IFIT1: variants seen among roughly 807,000 people sequenced by gnomAD.
The protein encoded by IFIT1 is antiviral innate immune response effector IFIT1.
IFIT1 carries 1 observed loss-of-function variant against 2.5 expected under a neutral mutation model. The observed-to-expected ratio is 0.40, with a 90% confidence interval of 0.14 to 1.92. The LOEUF is 1.92. Ranked by LOEUF, IFIT1 falls within the 40% of genes most tolerant of loss-of-function variation. The pLI is 0.31. For missense variants in IFIT1, 508 were observed against 557.8 expected (o/e 0.91, Z 0.90); for synonymous variants, 191 against 201.7 (o/e 0.95, Z 0.45).
Position 89,403,474 on chromosome 10 carries a change from T to G in IFIT1, c.1199T>G (p.Ile400Ser). 1 of 1,612,866 alleles carries G rather than the reference T, an allele frequency of 6.2e-7. No individual in the cohort carries two copies. The highest frequency in any genetic ancestry group is 8.5e-7 in the Non-Finnish European group (1 of 1,179,404). The change falls in exon 2 of 2, where the codon ATC becomes AGC. Residue 400 changes from isoleucine to serine, a missense_variant. Ile to Ser is a moderately radical substitution (Grantham distance 142). Transcript: ENST00000371804. ...AAGAAATCTGACGTCAATGCAATTA[T>G]CCATTATTTAAAAGCTATAAAAATA... ...FQKKSDVNAI[I>S]HYLKAIKIEQ...
At position 89,402,743 on chromosome 10, in the gene IFIT1, T is replaced by C. The variant is rs758182722; in HGVS notation, c.468T>C (p.Asn156=). ...CCTTGCTGAAGTGTGGAGGAAAAAATTATGAACGGGCCAAGGCCTGCTTTG... is the reference window on the plus strand; with the variant it reads ...CCTTGCTGAAGTGTGGAGGAAAAAACTATGAACGGGCCAAGGCCTGCTTTG... The part of the protein sequence containing the change: ...GWALLKCGGK[N]YERAKACFEK... The change falls in exon 2 of 2, where the codon AAT becomes AAC. Residue 156 remains asparagine (N), a synonymous_variant. Transcript: ENST00000371804. 1.9e-6 allele frequency: 3 copies of C among 1,614,168 alleles called. No homozygotes were observed. Among genetic ancestry groups the C allele is most frequent in the African/African-American group, 1.3e-5 (1 of 75,032 alleles).
At position 89,403,238 on chromosome 10, in the gene IFIT1, G is replaced by A; in HGVS notation, c.963G>A (p.Met321Ile). Residue 321 changes from methionine to isoleucine, a missense_variant, in exon 2 of 2, where the codon ATG becomes ATA. Physicochemically the swap from Met to Ile is conservative, Grantham distance 10. Coordinates refer to ENST00000371804, the MANE Select transcript of IFIT1 (RefSeq NM_001548.5). ...AGAACAGAGAAAAGCTAGACAAAAT[G>A]ATAAGATCAGCCATATTTCATTTTG... ...RGQNREKLDK[M>I]IRSAIFHFES... is the part of the protein sequence containing the mutation. The A allele has an allele frequency of 8.7e-6, 14 of 1,614,128 alleles. No homozygotes were observed. The highest frequency in any genetic ancestry group is 1.2e-5 in the Non-Finnish European group (14 of 1,180,026).
In IFIT1 at chr10:89,397,233, A is replaced by G. The variant is rs1360762723; in HGVS notation, c.5+4516A>G. On this transcript the variant is annotated intron_variant, in intron 1 of 1. Coordinates refer to ENST00000371804, the MANE Select transcript of IFIT1 (RefSeq NM_001548.5). Reference sequence around the variant, plus strand: ...ACAGTGTTGGTAATGAATATTCTTGAGTATACATCCTTATGTACTGGTTAT... The same window carrying G: ...ACAGTGTTGGTAATGAATATTCTTGGGTATACATCCTTATGTACTGGTTAT... 2.6e-5 allele frequency among the ~76,000 whole-genome samples: 4 copies of G among 151,954 alleles called. No homozygotes were observed. In the East Asian group the frequency reaches 7.7e-4, roughly 29 times the overall value.
intron 1 of IFIT1, chr10:89,393,230 A>G: frequency 3.9e-6 from 5 of 1,289,778 alleles, no homozygotes; most frequent in Non-Finnish European, 5.1e-6. Context: ...GCCTTCCTCC[A>G]TAGGCTTCTG....
Position 89,393,716 on chromosome 10 carries a change from C to T in IFIT1, c.5+999C>T, listed in dbSNP as rs982407551. Among the ~76,000 whole-genome samples, 5 of 152,078 alleles carry T rather than the reference C, an allele frequency of 3.3e-5. No individual in the cohort carries two copies. In the South Asian group the frequency reaches 8.3e-4, roughly 25 times the overall value. ...CTGCACTCCAGCCTGGGCAACAGAG[C>T]GAGACTCCGTCTCAAAAACAAACAA... On this transcript the variant is annotated intron_variant, in intron 1 of 1. Transcript: ENST00000371804.
chr10:89,393,968 G>A (rs1456235933), intron 1 of IFIT1, among the ~76,000 whole-genome samples: 1 of 152,128 alleles, frequency 6.6e-6, no homozygotes, highest in Non-Finnish European at 1.5e-5. Context: ...TGACAGCCTG[G>A]CTTCTAAAAG....
rs1489257954 is a variant in IFIT1 at position 89,406,381 on chromosome 10, G to A, written c.*2669G>A. 1 of 152,216 alleles carries A rather than the reference G, an allele frequency of 6.6e-6. No individual in the cohort carries two copies. Among genetic ancestry groups the A allele is most frequent in the Admixed American group, 6.5e-5 (1 of 15,278 alleles). 9.4% of individuals were successfully genotyped at this position (152,216 alleles called of 1,614,324 possible). ...AGGATGTGGGTGGGGCCAAGTAAGG[G>A]AATAAAAGCAGGCCACCCGAGCTGG... On this transcript the variant is annotated 3_prime_UTR_variant, in exon 2 of 2. Coordinates refer to ENST00000371804, the MANE Select transcript of IFIT1 (RefSeq NM_001548.5).
At chr10:89,400,890 A>G (rs77322028) in intron 1 of IFIT1, among the ~76,000 whole-genome samples, 3,846 of 152,030 alleles carry the variant, frequency 0.025, 110 homozygotes, top group African/African-American at 0.071. Flanking sequence ...GATACTAGCT[A>G]TAGGTTTTTC....
At position 89,394,592 on chromosome 10, in the gene IFIT1, A is replaced by ATATATATTT. The variant is rs1210701118; in HGVS notation, c.5+1882_5+1883insTTTATATAT. ...ACTACAGGAAAATATATATATATAT[A>ATATATATTT]TATATATATATATATATATATATAT... On this transcript the variant is annotated intron_variant, in intron 1 of 1. Coordinates refer to ENST00000371804, the MANE Select transcript of IFIT1 (RefSeq NM_001548.5). Among the ~76,000 whole-genome samples the ATATATATTT allele has an allele frequency of 5.5e-3, 92 of 16,816 alleles. 1 individual carries two copies. The highest frequency in any genetic ancestry group is 0.02 in the African/African-American group (59 of 3,000). The allele number at this position is 16,816 out of a possible 152,430, so 11.0% of individuals were successfully genotyped here. A position where few individuals can be genotyped will look rare whatever the true frequency, so the allele number is the denominator to read the frequency against.
intron 1 of IFIT1, among the ~76,000 whole-genome samples, chr10:89,394,893 A>G (rs1844319176): frequency 6.6e-6 from 1 of 151,762 alleles, no homozygotes; most frequent in African/African-American, 2.4e-5. Context: ...TTCTGTCTCT[A>G]TGGATTTGCC....
intron 1 of IFIT1, among the ~76,000 whole-genome samples, chr10:89,398,428 C>T (rs1044107057): frequency 2.0e-5 from 3 of 152,198 alleles, no homozygotes; most frequent in Non-Finnish European, 4.4e-5. Context: ...TCCAGCTTCT[C>T]GGGGATGTTC....
In IFIT1 at chr10:89,403,648, A is replaced by C. The variant is rs1844479860; in HGVS notation, c.1373A>C (p.Glu458Ala). The change falls in exon 2 of 2, where the codon GAG (glutamate) becomes GCG (alanine). Residue 458 changes from glutamate to alanine, a missense_variant. Coordinates refer to ENST00000371804, the MANE Select transcript of IFIT1 (RefSeq NM_001548.5). ...GAAGGAAATATGAATGAAGCCCTGG[A>C]GTACTATGAGCGGGCCCTGAGACTG... is the stretch of plus-strand genomic sequence containing the variant. ...KLEGNMNEAL[E>A]YYERALRLAA... is the part of the protein sequence containing the mutation. 6 of 1,613,794 alleles carry C rather than the reference A, an allele frequency of 3.7e-6. No homozygotes were observed. The highest frequency in any genetic ancestry group is 5.1e-6 in the Non-Finnish European group (6 of 1,179,872).
At chr10:89,393,051 T>C in intron 1 of IFIT1, 1 of 959,906 alleles carries the variant, frequency 1.0e-6, no homozygotes, top group African/African-American at 1.7e-5. Context: ...TTCACTTCTG[T>C]CTGATATGGG....
At chr10:89,401,031 T>G (rs1012026911) in intron 1 of IFIT1, among the ~76,000 whole-genome samples, 1 of 152,224 alleles carries the variant, frequency 6.6e-6, no homozygotes. Flanking sequence ...ATGTATTTAT[T>G]CCCTTCATTC....
At position 89,404,165 on chromosome 10, in the gene IFIT1, T is replaced by C. The variant is rs1564812054; in HGVS notation, c.*453T>C. On this transcript the variant is annotated 3_prime_UTR_variant, in exon 2 of 2. Coordinates refer to ENST00000371804, the MANE Select transcript of IFIT1 (RefSeq NM_001548.5). ...TATTCCCTCCCTTGCTAACTGCCAT[T>C]GGACTTTTTCCACTGAGTTAAACAG... is the stretch of plus-strand genomic sequence containing the variant. 1.3e-5 allele frequency: 2 copies of C among 152,924 alleles called. No individual in the cohort carries two copies. Among genetic ancestry groups the C allele is most frequent in the Non-Finnish European group, 2.9e-5 (2 of 68,642 alleles). 9.5% of individuals were successfully genotyped at this position (152,924 alleles called of 1,614,324 possible).
In IFIT1 at chr10:89,404,413, T is replaced by C. The variant is rs215493; in HGVS notation, c.*701T>C. 97,088 of 152,112 alleles carry C rather than the reference T, an allele frequency of 0.64. 33,245 individuals are homozygous for C. The highest frequency in any genetic ancestry group is 0.89 in the African/African-American group (36,820 of 41,492). The allele number at this position is 152,112 out of a possible 1,614,324, so 9.4% of individuals were successfully genotyped here. On this transcript the variant is annotated 3_prime_UTR_variant, in exon 2 of 2. Coordinates refer to ENST00000371804, the MANE Select transcript of IFIT1 (RefSeq NM_001548.5). ...CTATGTCCTTTGTTTCACCTTTTGA[T>C]ATAGAAAGGCTAATTTTGCTGTATT... is the stretch of plus-strand genomic sequence containing the variant.
At position 89,405,373 on chromosome 10, in the gene IFIT1, AAAT is replaced by A. The variant is rs958325374; in HGVS notation, c.*1667_*1669del. ...ATTTTATTGAAAGGCAAGGCACAAC[AAAT>A]AATAAGAAGGAAAAAATAAATAAGC... On this transcript the variant is annotated 3_prime_UTR_variant, in exon 2 of 2. Transcript: ENST00000371804. The A allele has an allele frequency of 4.6e-5, 7 of 152,372 alleles. No individual in the cohort carries two copies. The highest frequency in any genetic ancestry group is 1.2e-4 in the African/African-American group (5 of 41,586). 9.4% of individuals were successfully genotyped at this position (152,372 alleles called of 1,614,324 possible). A position where few individuals can be genotyped will look rare whatever the true frequency, so the allele number is the denominator to read the frequency against.
intron 1 of IFIT1, among the ~76,000 whole-genome samples, chr10:89,392,919 G>C (rs537199312): frequency 4.6e-5 from 7 of 152,112 alleles, no homozygotes; most frequent in Non-Finnish European, 1.0e-4. Context: ...TTTTATGTTT[G>C]TTAGCATGAA....
At chr10:89,395,641 A>G (rs1199897402) in intron 1 of IFIT1, among the ~76,000 whole-genome samples, 3 of 152,198 alleles carry the variant, frequency 2.0e-5, no homozygotes. Context: ...CAAGTTTCCT[A>G]TAAAAGGGGA....
Sources: gnomAD v4.1 joint callset for allele counts (sites outside exome capture counted in the v4.1 genomes callset) on GRCh38, gnomAD v4.1.1 for gene constraint, MANE v1.5 for transcripts, NCBI Gene and HGNC (gene_info 2026-07-23, HGNC 2026-07-21) for gene names.